The following NCOA7 variants were observed in gnomAD, a reference collection of about 807,000 sequenced individuals.
NCOA7 encodes nuclear receptor coactivator 7.
NCOA7 carries 45 observed loss-of-function variants against 104.3 expected under a neutral mutation model. The observed-to-expected ratio is 0.43, with a 90% CI of 0.34 to 0.55. The LOEUF is 0.55. Among genes scored for constraint, NCOA7 ranks in the 20% least tolerant of loss-of-function variants. The probability of loss-of-function intolerance (pLI) is 0.02; values close to 1 mark genes in which losing one functional copy is unlikely to be tolerated. For synonymous variants in NCOA7, 398 were observed against 402.3 expected, an observed-to-expected ratio of 0.99 and a Z score of 0.13; for missense variants, 1,041 against 1,119.7, an observed-to-expected ratio of 0.93 and a Z score of 1.00.
At chr6:125,853,853 A>G (rs1022625669) in intron 2 of NCOA7, among the ~76,000 whole-genome samples, 18 of 152,210 alleles carry the variant, frequency 1.2e-4, no homozygotes, top group Admixed American at 1.1e-3. Context: ...TGAAATTCCT[A>G]GCCTGAGGTC....
chr6:125,913,587 G>A, intron 10 of NCOA7: 1 of 844,956 alleles, frequency 1.2e-6, no homozygotes, highest in Non-Finnish European at 1.4e-6. Flanking sequence ...TAATAGAAAT[G>A]GTAACATGTC....
At chr6:125,861,931 G>A (rs1172207327) in intron 3 of NCOA7, among the ~76,000 whole-genome samples, 1 of 140,858 alleles carries the variant, frequency 7.1e-6, no homozygotes, top group Non-Finnish European at 1.5e-5. Context: ...CAGCTACTCA[G>A]GAGGCTGAGG....
intron 10 of NCOA7, among the ~76,000 whole-genome samples, chr6:125,903,482 G>A (rs989535671): frequency 2.0e-5 from 3 of 152,008 alleles, no homozygotes; most frequent in Non-Finnish European, 2.9e-5. Flanking sequence ...AGCTATGAAC[G>A]CATGGCCTCC....
upstream of NCOA7, among the ~76,000 whole-genome samples, chr6:125,787,657 C>T (rs755452801): frequency 7.2e-5 from 11 of 152,192 alleles, no homozygotes; most frequent in Non-Finnish European, 1.5e-4. Context: ...CAGAGAAAGG[C>T]CAGTTTTCAT....
At chr6:125,834,394 T>A (rs1779438197) in intron 2 of NCOA7, among the ~76,000 whole-genome samples, 1 of 152,232 alleles carries the variant, frequency 6.6e-6, no homozygotes, top group Non-Finnish European at 1.5e-5. Flanking sequence ...TGATCTAGAT[T>A]CATTTATTTA....
rs114934888 is a variant in NCOA7, at chr6:125,846,305, T to C, written c.51-8715T>C. Among the ~76,000 whole-genome samples, 615 of 151,704 alleles carry C rather than the reference T, an allele frequency of 4.1e-3. 7 individuals are homozygous for C. Among genetic ancestry groups the C allele is most frequent in the African/African-American group, 0.014 (592 of 41,278 alleles). ...TCAAATGTGAGACTTAGAAAAAACA[T>C]AGGGAAGTGCAAGACCCTTGGGATG... On this transcript the variant is annotated intron_variant, in intron 2 of 15. Transcript: ENST00000392477.
Position 125,855,254 on chromosome 6 carries a change from G to A in NCOA7, c.271+14G>A. ...ATTATAGTATTGGTGAGTATTCATG[G>A]CGTTACTGCAGTATTTTCATTTAAA... is the stretch of plus-strand genomic sequence containing the variant. On this transcript the variant is annotated intron_variant, in intron 3 of 15. Transcript: ENST00000392477. The A allele has an allele frequency of 6.5e-7, 1 of 1,550,106 alleles. No homozygotes were observed. Among genetic ancestry groups the A allele is most frequent in the African/African-American group, 1.4e-5 (1 of 73,394 alleles).
At chr6:125,842,185 A>T (rs558318634) in intron 2 of NCOA7, among the ~76,000 whole-genome samples, 1 of 152,210 alleles carries the variant, frequency 6.6e-6, no homozygotes, top group Admixed American at 6.5e-5. Context: ...ATTAGTTTAT[A>T]TACTAAACTG....
chr6:125,848,096 T>G (rs1415257463), intron 2 of NCOA7, among the ~76,000 whole-genome samples: 2 of 151,648 alleles, frequency 1.3e-5, no homozygotes, highest in Non-Finnish European at 1.5e-5. Context: ...AAAATCACAA[T>G]GAGATACCAT....
chr6:125,870,891 C>T (rs1782835868), intron 3 of NCOA7, among the ~76,000 whole-genome samples: 1 of 152,196 alleles, frequency 6.6e-6, no homozygotes, highest in South Asian at 2.1e-4. Context: ...TCTTCCTCCC[C>T]ATTCCAGCTC....
intron 2 of NCOA7, among the ~76,000 whole-genome samples, chr6:125,846,254 A>T (rs1459026490): frequency 2.6e-5 from 4 of 152,138 alleles, no homozygotes; most frequent in African/African-American, 9.7e-5. Context: ...CAGGGCTAGA[A>T]ATTCTGCAGT....
chr6:125,879,424 CAG>C (rs1211028915), intron 5 of NCOA7, among the ~76,000 whole-genome samples: 1 of 152,192 alleles, frequency 6.6e-6, no homozygotes, highest in Non-Finnish European at 1.5e-5. Context: ...TATGGAAACT[CAG>C]AGTCACTTTT....
At chr6:125,871,766 C>T (rs754121064) in intron 3 of NCOA7, among the ~76,000 whole-genome samples, 25 of 152,210 alleles carry the variant, frequency 1.6e-4, no homozygotes, top group Admixed American at 1.4e-3. Context: ...GAGGCCAAGG[C>T]GGGCAGATCA....
chr6:125,928,100 AC>A (rs1788194194), intron 14 of NCOA7, 73 bp from the exon 15 acceptor site: 1 of 1,343,680 alleles, frequency 7.4e-7, no homozygotes, highest in East Asian at 2.3e-5. Context: ...ACATATAGAT[AC>A]TATTTCATAT....
intron 10 of NCOA7, among the ~76,000 whole-genome samples, chr6:125,895,735 G>A (rs1359018968): frequency 1.3e-5 from 2 of 152,080 alleles, no homozygotes; most frequent in Admixed American, 6.6e-5. Context: ...CATGGCAGGA[G>A]TGGAAAAGAG....
chr6:125,789,880 C>T (rs1259012055), upstream of NCOA7, among the ~76,000 whole-genome samples: 1 of 152,160 alleles, frequency 6.6e-6, no homozygotes, highest in African/African-American at 2.4e-5. Flanking sequence ...GCAGGCCCTT[C>T]CTTGGGATAT....
intron 2 of NCOA7, among the ~76,000 whole-genome samples, chr6:125,839,402 G>T (rs1779915543): frequency 5.3e-5 from 8 of 152,278 alleles, no homozygotes; most frequent in African/African-American, 1.9e-4. Flanking sequence ...ACAAGAGTCA[G>T]CCACTGCGCG....
intron 8 of NCOA7, 124 bp downstream of exon 8, chr6:125,885,467 T>A: frequency 1.2e-6 from 1 of 810,186 alleles, no homozygotes; most frequent in Non-Finnish European, 1.9e-6. Flanking sequence ...GGAAGACTTG[T>A]GCACTGAAGA....
intron 10 of NCOA7, among the ~76,000 whole-genome samples, chr6:125,914,192 TACAA>T (rs1278448767): frequency 6.6e-6 from 1 of 152,210 alleles, no homozygotes; most frequent in Non-Finnish European, 1.5e-5. Context: ...ATTAAAGAAA[TACAA>T]ACAAACTAAA....
Sources: gnomAD v4.1 joint callset for allele counts (sites outside exome capture counted in the v4.1 genomes callset) on GRCh38, gnomAD v4.1.1 for gene constraint, MANE v1.5 for transcripts, NCBI Gene and HGNC (gene_info 2026-07-23, HGNC 2026-07-21) for gene names.